The following DSCAM variants were observed in gnomAD, a reference collection of about 807,000 sequenced individuals.
DSCAM encodes the protein cell adhesion molecule DSCAM.
In DSCAM, 47 loss-of-function variants were observed where a neutral mutation model predicts 217.7. The observed-to-expected ratio is 0.22, with a 90% CI of 0.17 to 0.28. DSCAM has a LOEUF of 0.28. Ranked by LOEUF, DSCAM falls within the 10% of genes least tolerant of loss-of-function variation. DSCAM has a pLI of 1.00. For missense variants in DSCAM, 2,080 were observed against 2,618.3 expected, an observed-to-expected ratio of 0.79 and a Z score of 4.49; for synonymous variants, 1,056 against 1,015.3, an observed-to-expected ratio of 1.04 and a Z score of -0.76.
intron 1 of DSCAM, among the ~76,000 whole-genome samples, chr21:40,711,247 G>A (rs2090776785): frequency 6.6e-6 from 1 of 152,158 alleles, no homozygotes; most frequent in African/African-American, 2.4e-5. Flanking sequence ...CCGTGGTGTG[G>A]AGCTGAGGGG....
At chr21:40,374,849 T>G (rs1272484791) in intron 3 of DSCAM, among the ~76,000 whole-genome samples, 5 of 152,176 alleles carry the variant, frequency 3.3e-5, no homozygotes, top group Non-Finnish European at 5.9e-5. Flanking sequence ...TGCCAATACC[T>G]TGATCTTGGA....
At chr21:40,720,119 C>T (rs994806719) in intron 1 of DSCAM, among the ~76,000 whole-genome samples, 6 of 152,248 alleles carry the variant, frequency 3.9e-5, no homozygotes, top group Non-Finnish European at 5.9e-5. Context: ...AACAGGCTAT[C>T]GAATTTGCAA....
intron 3 of DSCAM, among the ~76,000 whole-genome samples, chr21:40,380,919 C>T (rs1350568681): frequency 6.6e-6 from 1 of 151,806 alleles, no homozygotes; most frequent in African/African-American, 2.4e-5. Context: ...AAAAATTAGC[C>T]GGGCGTGGTG....
At chr21:40,742,553 A>G (rs987678079) in intron 1 of DSCAM, among the ~76,000 whole-genome samples, 1 of 152,236 alleles carries the variant, frequency 6.6e-6, no homozygotes, top group East Asian at 1.9e-4. Context: ...GAATAAATGT[A>G]TGTTGTTTTA....
chr21:40,079,178 T>C (rs983304694), intron 25 of DSCAM, among the ~76,000 whole-genome samples: 1 of 152,198 alleles, frequency 6.6e-6, no homozygotes, highest in Non-Finnish European at 1.5e-5. Context: ...ATGACCTGGG[T>C]GTGTGACAGA....
intron 1 of DSCAM, among the ~76,000 whole-genome samples, chr21:40,727,204 T>C (rs1407842970): frequency 1.3e-5 from 2 of 152,194 alleles, no homozygotes; most frequent in Admixed American, 6.5e-5. Context: ...CAGAGGCTTA[T>C]TTAGGAGTCT....
intron 32 of DSCAM, among the ~76,000 whole-genome samples, chr21:40,031,114 A>G (rs80207859): frequency 0.028 from 4,322 of 152,114 alleles, 213 homozygotes; most frequent in African/African-American, 0.098. Flanking sequence ...GCCCCTTAAA[A>G]GGCTCACTGT....
chr21:40,432,186 G>A (rs2075539787), intron 3 of DSCAM, among the ~76,000 whole-genome samples: 1 of 136,748 alleles, frequency 7.3e-6, no homozygotes, highest in African/African-American at 2.5e-5. Context: ...AACAGCATGA[G>A]ACTCTGCCTC....
intron 3 of DSCAM, among the ~76,000 whole-genome samples, chr21:40,378,103 T>C (rs1038636849): frequency 6.6e-6 from 1 of 152,150 alleles, no homozygotes; most frequent in African/African-American, 2.4e-5. Context: ...CATTACCAAA[T>C]GACATAATAG....
chr21:40,094,381 C>T (rs1004034013), intron 20 of DSCAM, among the ~76,000 whole-genome samples: 2 of 152,148 alleles, frequency 1.3e-5, no homozygotes, highest in Non-Finnish European at 2.9e-5. Flanking sequence ...GGGAGGTTGG[C>T]AGCCTTTCCA....
At chr21:40,280,902 T>C (rs932600890) in intron 10 of DSCAM, among the ~76,000 whole-genome samples, 2 of 152,138 alleles carry the variant, frequency 1.3e-5, no homozygotes, top group African/African-American at 4.8e-5. Context: ...GAGGCTCCCA[T>C]GGGAAGGAAC....
intron 4 of DSCAM, among the ~76,000 whole-genome samples, chr21:40,358,942 GAAAC>G (rs2074727504): frequency 6.6e-6 from 1 of 151,464 alleles, no homozygotes. Context: ...ATAATGAAAA[GAAAC>G]AACCCAATCA....
At chr21:40,200,090 C>G (rs1305470769) in intron 11 of DSCAM, among the ~76,000 whole-genome samples, 1 of 146,722 alleles carries the variant, frequency 6.8e-6, no homozygotes, top group Non-Finnish European at 1.5e-5. Flanking sequence ...GGACAAAGTA[C>G]ATTCTTAGTC....
At chr21:40,120,376 T>C (rs1369320050) in intron 20 of DSCAM, among the ~76,000 whole-genome samples, 1 of 152,214 alleles carries the variant, frequency 6.6e-6, no homozygotes, top group African/African-American at 2.4e-5. Flanking sequence ...ACAGACAATG[T>C]CTATATCATA....
chr21:40,285,315 T>C (rs2073811251), intron 10 of DSCAM, among the ~76,000 whole-genome samples: 1 of 152,158 alleles, frequency 6.6e-6, no homozygotes, highest in South Asian at 2.1e-4. Flanking sequence ...TGTGACTGCC[T>C]ACACCTAGAA....
At chr21:40,573,498 C>A (rs1040826339) in intron 3 of DSCAM, among the ~76,000 whole-genome samples, 13 of 151,922 alleles carry the variant, frequency 8.6e-5, no homozygotes, top group African/African-American at 2.9e-4. Context: ...AATGAAAACA[C>A]AACATATCAA....
At chr21:40,518,380 A>AT (rs1400267569) in intron 3 of DSCAM, among the ~76,000 whole-genome samples, 2 of 64 alleles carry the variant, frequency 0.031, no homozygotes, top group East Asian at 0.5. Flanking sequence ...TAATATATAT[A>AT]TAATATATTA....
chr21:40,257,459 G>C (rs991116361), intron 11 of DSCAM, among the ~76,000 whole-genome samples: 1 of 90,258 alleles, frequency 1.1e-5, no homozygotes, highest in African/African-American at 4.0e-5. Context: ...AGGGCTGGCT[G>C]TATTTGCTGA....
intron 3 of DSCAM, among the ~76,000 whole-genome samples, chr21:40,443,964 G>C (rs1280386976): frequency 1.3e-5 from 2 of 152,170 alleles, no homozygotes; most frequent in African/African-American, 4.8e-5. Context: ...AAGAAAGTAA[G>C]TGAAGAAAAA....
Sources: allele counts gnomAD v4.1 joint callset (sites outside exome capture counted in the v4.1 genomes callset), GRCh38; gene constraint gnomAD v4.1.1; transcripts MANE v1.5; gene names NCBI Gene and HGNC (gene_info 2026-07-23, HGNC 2026-07-21).